The following GPATCH8 variants were observed in gnomAD, a reference collection of about 807,000 sequenced individuals.
GPATCH8 encodes the protein G patch domain-containing protein 8.
A neutral mutation model predicts 118.3 loss-of-function variants in GPATCH8; 18 were observed. That is an observed-to-expected ratio of 0.15 (90% CI 0.11 to 0.23). The LOEUF is 0.23. Among genes scored for constraint, GPATCH8 ranks in the 10% least tolerant of loss-of-function variants. GPATCH8 has a pLI of 1.00. For missense variants in GPATCH8, 1,631 were observed against 1,873.8 expected (o/e 0.87, Z 2.39); for synonymous variants, 659 against 684.7 (o/e 0.96, Z 0.59).
chr17:44,446,299 GC>G (rs2050878183), intron 3 of GPATCH8, among the ~76,000 whole-genome samples: 2 of 151,838 alleles, frequency 1.3e-5, no homozygotes, highest in South Asian at 4.2e-4. Context: ...AGGCGCAGTG[GC>G]TCACGCCTGT....
intron 6 of GPATCH8, among the ~76,000 whole-genome samples, chr17:44,416,684 T>C (rs2049698723): frequency 6.6e-6 from 1 of 152,206 alleles, no homozygotes; most frequent in Admixed American, 6.6e-5. Flanking sequence ...TGTTATTGGG[T>C]AATGAAACAG....
intron 1 of GPATCH8, among the ~76,000 whole-genome samples, chr17:44,476,571 T>C (rs1451501959): frequency 6.6e-6 from 1 of 152,198 alleles, no homozygotes; most frequent in African/African-American, 2.4e-5. Context: ...GTCATAGTAA[T>C]GAAAATAAAA....
chr17:44,495,028 C>A lies in GPATCH8; in HGVS notation c.45+8298G>T, dbSNP rs182299725. Among the ~76,000 whole-genome samples the A allele has an allele frequency of 2.0e-5, 3 of 152,210 alleles. No individual in the cohort carries two copies. In the East Asian group the frequency reaches 5.8e-4, roughly 29 times the overall value. ...CATCCTTCAAGATCCAGCTTAAATG[C>A]TAACTTCTTCATAAAAGCATGCCCA... On this transcript the variant is annotated intron_variant, in intron 1 of 7. Coordinates refer to ENST00000591680, the MANE Select transcript of GPATCH8 (RefSeq NM_001002909.4).
At chr17:44,423,171 G>A (rs756255884) in intron 6 of GPATCH8, among the ~76,000 whole-genome samples, 12 of 152,052 alleles carry the variant, frequency 7.9e-5, no homozygotes, top group Non-Finnish European at 1.5e-4. Flanking sequence ...AAACCAGAAG[G>A]TGGAGGTTGC....
chr17:44,452,797 G>A (rs1598529857), intron 3 of GPATCH8, among the ~76,000 whole-genome samples: 2 of 151,708 alleles, frequency 1.3e-5, no homozygotes, highest in South Asian at 4.2e-4. Context: ...TTTCTCAACT[G>A]TATAGTGAGT....
At chr17:44,402,634 A>G (rs1235757171) in intron 7 of GPATCH8, among the ~76,000 whole-genome samples, 1 of 152,202 alleles carries the variant, frequency 6.6e-6, no homozygotes, top group East Asian at 1.9e-4. Flanking sequence ...AAATAAAAAT[A>G]AAAATTTCCC....
At chr17:44,426,601 C>T (rs1384185870) in intron 5 of GPATCH8, among the ~76,000 whole-genome samples, 1 of 68,614 alleles carries the variant, frequency 1.5e-5, no homozygotes, top group Admixed American at 2.2e-4. Context: ...GAGACCTTGT[C>T]TCAAAAAAAA....
At chr17:44,424,920 A>C (rs945053453) in intron 5 of GPATCH8, among the ~76,000 whole-genome samples, 1 of 152,192 alleles carries the variant, frequency 6.6e-6, no homozygotes, top group African/African-American at 2.4e-5. Flanking sequence ...TCTACATATA[A>C]GCTGCACTGC....
At chr17:44,473,135 A>ATTT (rs557044683) in intron 2 of GPATCH8, among the ~76,000 whole-genome samples, 1 of 134,778 alleles carries the variant, frequency 7.4e-6, no homozygotes, top group Non-Finnish European at 1.6e-5. Flanking sequence ...CAAACCAGTG[A>ATTT]TTTTTTTTTT....
rs1369912321 is a variant in GPATCH8 at position 44,398,777 on chromosome 17, C to T, written c.3300G>A (p.Arg1100=). ...AKLLLEKIQS[R]KVERKPSVSE... ...TCACACTAGGTTTCCTCTCCACTTTCCTTGACTGGATCTTCTCCAGTAGCA... is the reference window on the plus strand; with the variant it reads ...TCACACTAGGTTTCCTCTCCACTTTTCTTGACTGGATCTTCTCCAGTAGCA... The change falls in exon 8 of 8, where the codon AGG becomes AGA. Residue 1100 remains arginine, a synonymous_variant. Coordinates refer to ENST00000591680, the MANE Select transcript of GPATCH8 (RefSeq NM_001002909.4). 1.2e-6 allele frequency: 2 copies of T among 1,613,836 alleles called. No homozygotes were observed. The highest frequency in any genetic ancestry group is 2.7e-5 in the African/African-American group (2 of 74,904).
rs35585514 is a variant in GPATCH8, at chr17:44,448,503, AGG to A, written c.194-11960_194-11959del. Reference sequence around the variant, plus strand: ...ATCACGTGAGCCAAAAAAAAAAAAAAGGGGGGGGGGGGAAGAAGGAGGAAGAA... The same window carrying A: ...ATCACGTGAGCCAAAAAAAAAAAAAAGGGGGGGGGGAAGAAGGAGGAAGAA... On this transcript the variant is annotated intron_variant, in intron 3 of 7. Transcript: ENST00000591680. 1.8e-3 allele frequency among the ~76,000 whole-genome samples: 115 copies of A among 63,742 alleles called. 1 individual carries two copies. The highest frequency in any genetic ancestry group is 5.0e-3 in the African/African-American group (69 of 13,912). The allele number at this position is 63,742 out of a possible 152,430, so 41.8% of individuals were successfully genotyped here. A position where few individuals can be genotyped will look rare whatever the true frequency, so the allele number is the denominator to read the frequency against.
intron 2 of GPATCH8, chr17:44,467,173 C>T: frequency 8.6e-6 from 6 of 699,528 alleles, no homozygotes; most frequent in Admixed American, 2.9e-5. Flanking sequence ...CACTAATGGT[C>T]GTTTTTTTTT....
At chr17:44,429,614 A>G (rs12940570) in intron 5 of GPATCH8, among the ~76,000 whole-genome samples, 2,742 of 145,918 alleles carry the variant, frequency 0.019, 90 homozygotes, top group African/African-American at 0.065. Context: ...GTTCGAGACC[A>G]GCCTGGCCAA....
chr17:44,463,118 C>T (rs1295788131), intron 3 of GPATCH8, among the ~76,000 whole-genome samples: 1 of 152,020 alleles, frequency 6.6e-6, no homozygotes, highest in Admixed American at 6.6e-5. Flanking sequence ...CAGGGTCTTG[C>T]TATCTCACCC....
chr17:44,435,141 G>T lies in GPATCH8; in HGVS notation c.272C>A (p.Ala91Asp). Residue 91 changes from alanine to aspartate, a missense_variant, in exon 5 of 8, where the codon GCT becomes GAT. Ala to Asp is a moderately radical substitution (Grantham distance 126). Coordinates refer to ENST00000591680, the MANE Select transcript of GPATCH8 (RefSeq NM_001002909.4). ...ACGGCGCCGTTCGGTAGCATCTTCA[G>T]CATAATCAAGCTTGACAAAAATAGA... The part of the protein sequence containing the change: ...MGRMEMELDY[A>D]EDATERRRVL... 1 of 1,453,574 alleles carries T rather than the reference G, an allele frequency of 6.9e-7. No homozygotes were observed. Among genetic ancestry groups the T allele is most frequent in the Non-Finnish European group, 9.7e-7 (1 of 1,033,546 alleles). The allele number at this position is 1,453,574 out of a possible 1,614,324, so 90.0% of individuals were successfully genotyped here.
At position 44,395,513 on chromosome 17, in the gene GPATCH8, T is replaced by C. The variant is rs763725094; in HGVS notation, c.*2055A>G. ...AAGCTAATGGGAAGCAGCACGAAAA[T>C]GTTAATACTGTATTATTTATTTACA... On this transcript the variant is annotated 3_prime_UTR_variant, in exon 8 of 8. Transcript: ENST00000591680. The C allele has an allele frequency of 6.6e-6, 3 of 454,384 alleles. No individual in the cohort carries two copies. Among genetic ancestry groups the C allele is most frequent in the South Asian group, 3.1e-5 (2 of 64,466 alleles). The allele number at this position is 454,384 out of a possible 1,614,324, so 28.1% of individuals were successfully genotyped here.
chr17:44,403,373 C>A (rs1301635997), intron 7 of GPATCH8, among the ~76,000 whole-genome samples: 1 of 151,084 alleles, frequency 6.6e-6, no homozygotes, highest in African/African-American at 2.4e-5. Flanking sequence ...ATGCTCGGCC[C>A]ATGCTGGCTA....
intron 1 of GPATCH8, among the ~76,000 whole-genome samples, chr17:44,488,571 A>G (rs1042119008): frequency 4.0e-5 from 6 of 149,672 alleles, no homozygotes; most frequent in African/African-American, 1.2e-4. Flanking sequence ...GGGTTTCACC[A>G]TGTTGGCCAG....
In GPATCH8 at chr17:44,468,348, C is replaced by T. The variant is rs192163395; in HGVS notation, c.121-3804G>A. ...ACAGGTAATCTAGACAGAACAAGGGCAATGAACATTAAATTTCTTTGTTCC... is the reference window on the plus strand; with the variant it reads ...ACAGGTAATCTAGACAGAACAAGGGTAATGAACATTAAATTTCTTTGTTCC... On this transcript the variant is annotated intron_variant, in intron 2 of 7. Coordinates refer to ENST00000591680, the MANE Select transcript of GPATCH8 (RefSeq NM_001002909.4). Among the ~76,000 whole-genome samples, 324 of 147,082 alleles carry T rather than the reference C, an allele frequency of 2.2e-3. 1 individual carries two copies. The highest frequency in any genetic ancestry group is 7.8e-3 in the African/African-American group (309 of 39,606).
Sources: allele counts gnomAD v4.1 joint callset (sites outside exome capture counted in the v4.1 genomes callset), GRCh38; gene constraint gnomAD v4.1.1; transcripts MANE v1.5; gene names NCBI Gene and HGNC (gene_info 2026-07-23, HGNC 2026-07-21).